The following ASB3 variants were observed in gnomAD, a reference collection of about 807,000 sequenced individuals.
ASB3 encodes the protein ankyrin repeat and SOCS box containing 3.
A neutral mutation model predicts 54.5 loss-of-function variants in ASB3; 41 were observed. The ratio of observed to expected loss-of-function variants is 0.75; its 90% CI spans 0.59 to 0.98. ASB3 has a LOEUF of 0.98. Ranked by LOEUF, ASB3 falls within the 50% of genes least tolerant of loss-of-function variation. The pLI is 0.00. For synonymous variants in ASB3, 266 were observed against 221.2 expected (o/e 1.20, Z -1.80); for missense variants, 733 against 620.0 (o/e 1.18, Z -1.94).
chr2:53,728,505 A>G (rs1671131588), intron 5 of ASB3, among the ~76,000 whole-genome samples: 1 of 152,222 alleles, frequency 6.6e-6, no homozygotes, highest in African/African-American at 2.4e-5. Flanking sequence ...TCCTACTCAG[A>G]TAAATTAGTA....
At chr2:53,708,301 C>A (rs979740189) in intron 7 of ASB3, among the ~76,000 whole-genome samples, 5 of 152,186 alleles carry the variant, frequency 3.3e-5, no homozygotes, top group Non-Finnish European at 7.3e-5. Flanking sequence ...GCTCTCACTT[C>A]GCCTTCTGCC....
At chr2:53,673,843 T>TAA (rs1667946224) in intron 9 of ASB3, among the ~76,000 whole-genome samples, 1 of 152,242 alleles carries the variant, frequency 6.6e-6, no homozygotes, top group East Asian at 1.9e-4. Flanking sequence ...GTTTTCCTTC[T>TAA]AAGAGCACAA....
At chr2:53,710,827 C>A (rs2103816816) in intron 7 of ASB3, among the ~76,000 whole-genome samples, 1 of 152,268 alleles carries the variant, frequency 6.6e-6, no homozygotes, top group South Asian at 2.1e-4. Flanking sequence ...TCAAATCTTA[C>A]TTTCAACATT....
intron 4 of ASB3, 89 bp from the exon 5 acceptor site, chr2:53,728,936 A>C: frequency 7.1e-7 from 1 of 1,400,176 alleles, no homozygotes; most frequent in Non-Finnish European, 9.5e-7. Flanking sequence ...TTTCTTTTTT[A>C]TCCTCTCACT....
intron 2 of ASB3, among the ~76,000 whole-genome samples, chr2:53,755,978 C>G (rs1056345016): frequency 3.5e-5 from 3 of 85,334 alleles, no homozygotes; most frequent in African/African-American, 1.3e-4. Context: ...AATAGTAAGA[C>G]CCCCCCCCCA....
At chr2:53,734,440 T>G (rs1057253214) in intron 3 of ASB3, among the ~76,000 whole-genome samples, 12 of 152,248 alleles carry the variant, frequency 7.9e-5, no homozygotes, top group Admixed American at 2.6e-4. Flanking sequence ...TTCTTGAGTC[T>G]ACATTCAGTG....
At chr2:53,752,465 C>T (rs1046352481) in intron 2 of ASB3, among the ~76,000 whole-genome samples, 1 of 152,260 alleles carries the variant, frequency 6.6e-6, no homozygotes, top group South Asian at 2.1e-4. Flanking sequence ...CTCCTCCCCA[C>T]TGCATAAGGT....
intron 2 of ASB3, among the ~76,000 whole-genome samples, chr2:53,761,952 A>G (rs753612280): frequency 3.3e-5 from 5 of 152,258 alleles, no homozygotes; most frequent in Non-Finnish European, 5.9e-5. Context: ...GGTTACATAA[A>G]TTACATTACA....
intron 1 of ASB3, chr2:53,775,109 A>T (rs922996956): frequency 1.3e-5 from 2 of 152,600 alleles, no homozygotes; most frequent in African/African-American, 4.8e-5. Context: ...AATGTACTGT[A>T]CCTCTTCTTT....
At chr2:53,681,731 T>C (rs898261613) in intron 9 of ASB3, among the ~76,000 whole-genome samples, 1 of 152,208 alleles carries the variant, frequency 6.6e-6, no homozygotes, top group African/African-American at 2.4e-5. Flanking sequence ...TCTGTGTTTA[T>C]GCCAGTACCA....
chr2:53,768,219 CTGCTTAAGA>C (rs1476195882), intron 1 of ASB3: 1 of 601,362 alleles, frequency 1.7e-6, no homozygotes, highest in Admixed American at 3.2e-5. Context: ...CCTTCCGAAG[CTGCTTAAGA>C]TGCCGGTGGT....
At position 53,693,164 on chromosome 2, in the gene ASB3, A is replaced by G. The variant is rs544348263; in HGVS notation, c.1369+720T>C. ...ATTTTCCTAACTTAAGACATATAAT[A>G]TGGTTAACAAAATATAGTCAAAGCA... On this transcript the variant is annotated intron_variant, in intron 9 of 9. Coordinates refer to ENST00000263634, the MANE Select transcript of ASB3 (RefSeq NM_016115.5). Among the ~76,000 whole-genome samples the G allele has an allele frequency of 2.6e-5, 4 of 152,310 alleles. No homozygotes were observed. The East Asian group carries it at 5.8e-4, about 22-fold the overall frequency.
At chr2:53,745,418 C>T (rs972736433) in intron 3 of ASB3, among the ~76,000 whole-genome samples, 1 of 152,198 alleles carries the variant, frequency 6.6e-6, no homozygotes, top group Non-Finnish European at 1.5e-5. Context: ...TTGATTCCTA[C>T]TGCCATTAAG....
At chr2:53,719,728 G>C (rs547117745) in intron 5 of ASB3, among the ~76,000 whole-genome samples, 6 of 152,064 alleles carry the variant, frequency 3.9e-5, no homozygotes, top group Non-Finnish European at 8.8e-5. Context: ...GCTCCTGATC[G>C]AAATCAGCCA....
chr2:53,768,157 C>A, intron 1 of ASB3: 1 of 1,043,974 alleles, frequency 9.6e-7, no homozygotes, highest in East Asian at 2.7e-5. Context: ...GGTAACATTT[C>A]TGTAGATTTT....
chr2:53,680,026 G>C lies in ASB3; in HGVS notation c.1370-9336C>G, dbSNP rs147283578. 8.1e-3 allele frequency among the ~76,000 whole-genome samples: 1,239 copies of C among 152,204 alleles called. 13 individuals carry two copies. The highest frequency in any genetic ancestry group is 0.028 in the African/African-American group (1,178 of 41,526). On this transcript the variant is annotated intron_variant, in intron 9 of 9. Coordinates refer to ENST00000263634, the MANE Select transcript of ASB3 (RefSeq NM_016115.5). ...TTCTGTTCCTGCATTAGTTTGCTAA[G>C]GATAATGGCCTCCAGCTCCACCTCT...
intron 5 of ASB3, among the ~76,000 whole-genome samples, chr2:53,723,697 C>G (rs1558540149): frequency 2.0e-5 from 3 of 152,260 alleles, no homozygotes; most frequent in Non-Finnish European, 2.9e-5. Context: ...TTTAAGGCTA[C>G]AGTAACCAAA....
chr2:53,721,987 T>C (rs72901243), intron 5 of ASB3, among the ~76,000 whole-genome samples: 2,853 of 152,002 alleles, frequency 0.019, 99 homozygotes, highest in African/African-American at 0.065. Context: ...AAGCACAATC[T>C]GAAACAACAA....
intron 2 of ASB3, among the ~76,000 whole-genome samples, chr2:53,751,996 G>A (rs536399104): frequency 6.6e-6 from 1 of 152,242 alleles, no homozygotes; most frequent in Admixed American, 6.5e-5. Flanking sequence ...AGTCAGACAT[G>A]ACCCTTATTT....
Sources: gnomAD v4.1 joint callset for allele counts (sites outside exome capture counted in the v4.1 genomes callset) on GRCh38, gnomAD v4.1.1 for gene constraint, MANE v1.5 for transcripts, NCBI Gene and HGNC (gene_info 2026-07-23, HGNC 2026-07-21) for gene names.